The following TRIM49C variants were observed in gnomAD, a reference collection of about 807,000 sequenced individuals.
TRIM49C encodes the protein tripartite motif containing 49C, also known as tripartite motif-containing protein 49C.
TRIM49C carries 6 observed loss-of-function variants against 21.4 expected under a neutral mutation model. The observed-to-expected ratio is 0.28, with a 90% CI of 0.15 to 0.55. The LOEUF (loss-of-function observed/expected upper bound fraction) is 0.55, where lower values mean the gene tolerates loss of function less well. Ranked by LOEUF, TRIM49C falls within the 20% of genes least tolerant of loss-of-function variation. The pLI is 0.94. For missense variants in TRIM49C, 161 were observed against 442.4 expected (o/e 0.36, Z 5.71); for synonymous variants, 57 against 148.1 (o/e 0.38, Z 4.47).
At chr11:90,033,720 G>C (rs1950702816) in intron 2 of TRIM49C, among the ~76,000 whole-genome samples, 1 of 134,342 alleles carries the variant, frequency 7.4e-6, no homozygotes, top group African/African-American at 2.7e-5. Context: ...AAGGCAGGCA[G>C]ATCACTTGAG....
At chr11:90,031,449 ATC>A (rs1017341271) in intron 1 of TRIM49C, among the ~76,000 whole-genome samples, 4 of 136,942 alleles carry the variant, frequency 2.9e-5, no homozygotes, top group African/African-American at 7.8e-5. Flanking sequence ...CCCTTCTGAA[ATC>A]TCTTTTTTAA....
chr11:90,062,868 T>A, the TRIM49C span: 1 of 1,407,340 alleles, frequency 7.1e-7, no homozygotes, highest in Non-Finnish European at 9.4e-7. Flanking sequence ...TCTGCCTTCT[T>A]CTGAGCAGAG....
At chr11:90,071,824 T>G in the TRIM49C span, 2 of 821,708 alleles carry the variant, frequency 2.4e-6, no homozygotes, top group Non-Finnish European at 3.8e-6. Flanking sequence ...GGGATCAACA[T>G]GCAATGCCTT....
At chr11:90,045,094 G>A (rs1950792806), downstream of TRIM49C, among the ~76,000 whole-genome samples, 2 of 130,308 alleles carry the variant, frequency 1.5e-5, no homozygotes, top group South Asian at 2.8e-4. Context: ...GTAGATATGT[G>A]GCATTATTTC....
the TRIM49C span, chr11:90,062,979 G>C: frequency 7.5e-7 from 1 of 1,324,958 alleles, no homozygotes; most frequent in Non-Finnish European, 1.0e-6. Flanking sequence ...TGGAAGACTC[G>C]CAGGGCATCA....
chr11:90,048,488 C>T, the TRIM49C span, among the ~76,000 whole-genome samples: 1 of 121,488 alleles, frequency 8.2e-6, no homozygotes, highest in African/African-American at 3.4e-5. Flanking sequence ...TCTCTCTAAA[C>T]TTCTCTTCTC....
downstream of TRIM49C, among the ~76,000 whole-genome samples, chr11:90,046,994 C>T (rs1261832436): frequency 1.6e-5 from 2 of 124,416 alleles, no homozygotes; most frequent in Admixed American, 9.2e-5. Flanking sequence ...TTTCAAAGAA[C>T]ATCTTTATTT....
At chr11:90,065,627 C>G in the TRIM49C span, among the ~76,000 whole-genome samples, 1 of 140,778 alleles carries the variant, frequency 7.1e-6, no homozygotes, top group Non-Finnish European at 1.5e-5. Flanking sequence ...TGGAATGAGA[C>G]GCAAGAAAGT....
the TRIM49C span, chr11:90,057,826 A>C: frequency 7.9e-7 from 1 of 1,264,568 alleles, no homozygotes; most frequent in Non-Finnish European, 1.0e-6. Flanking sequence ...GAAATTAAAA[A>C]AAATCTTTCA....
chr11:90,070,975 T>C, the TRIM49C span, among the ~76,000 whole-genome samples: 2 of 140,214 alleles, frequency 1.4e-5, 1 homozygote, highest in Admixed American at 1.6e-4. Flanking sequence ...TTTGTATTTT[T>C]AGTAGGGATG....
the TRIM49C span, among the ~76,000 whole-genome samples, chr11:90,048,357 A>C: frequency 2.2e-3 from 268 of 122,096 alleles, 11 homozygotes; most frequent in African/African-American, 8.5e-3. Context: ...AATATCCTGC[A>C]GAGTGTTTTC....
At chr11:90,045,930 T>G (rs1273302034), downstream of TRIM49C, among the ~76,000 whole-genome samples, 26 of 120,092 alleles carry the variant, frequency 2.2e-4, 4 homozygotes, top group Non-Finnish European at 1.5e-4. Flanking sequence ...CATAAATAGC[T>G]CTTATTATTT....
At chr11:90,073,324 A>G in the TRIM49C span, 47 of 844,514 alleles carry the variant, frequency 5.6e-5, 7 homozygotes, top group Non-Finnish European at 8.0e-5. Flanking sequence ...ATTCCCTCAT[A>G]TGGAATTACC....
chr11:90,072,322 TTAGA>T, the TRIM49C span, among the ~76,000 whole-genome samples: 12 of 148,782 alleles, frequency 8.1e-5, no homozygotes, highest in African/African-American at 3.0e-4. Context: ...TGATGAGGCC[TTAGA>T]TAGAACTCCA....
downstream of TRIM49C, among the ~76,000 whole-genome samples, chr11:90,046,501 G>T (rs1354665966): frequency 1.1e-4 from 14 of 123,926 alleles, 2 homozygotes; most frequent in Non-Finnish European, 1.2e-4. Flanking sequence ...TCCTGGTTTA[G>T]TCTTGGGAGA....
rs1326768379 is a variant in TRIM49C at position 90,035,045 on chromosome 11, C to T, written c.-4-163C>T. Among the ~76,000 whole-genome samples the T allele has an allele frequency of 3.6e-5, 5 of 137,168 alleles. 1 individual carries two copies. Among genetic ancestry groups the T allele is most frequent in the African/African-American group, 1.4e-4 (5 of 35,770 alleles). The allele number at this position is 137,168 out of a possible 152,430, so 90.0% of individuals were successfully genotyped here. On this transcript the variant is annotated intron_variant, in intron 2 of 7. Coordinates refer to ENST00000448984, the MANE Select transcript of TRIM49C (RefSeq NM_001195234.1). ...ATATCTGTTATAAAGCCAGGAGACT[C>T]CCTCTAAGTGTAAATTTTTAAGTTT...
At chr11:90,039,435 T>A (rs1233543854) in intron 6 of TRIM49C, among the ~76,000 whole-genome samples, 1 of 129,008 alleles carries the variant, frequency 7.8e-6, no homozygotes, top group Non-Finnish European at 1.6e-5. Context: ...TAGAACTGTA[T>A]AAGTCTCTAG....
the TRIM49C span, chr11:90,062,840 A>G: frequency 7.2e-7 from 1 of 1,390,068 alleles, no homozygotes. Context: ...TTCTGCATGA[A>G]GGGCAGCGCA....
At chr11:90,054,045 AATT>A in the TRIM49C span, among the ~76,000 whole-genome samples, 2 of 137,596 alleles carry the variant, frequency 1.5e-5, no homozygotes, top group South Asian at 4.8e-4. Context: ...TTATATCTTC[AATT>A]ATTATGGAAG....
Sources: allele counts gnomAD v4.1 joint callset (sites outside exome capture counted in the v4.1 genomes callset), GRCh38; gene constraint gnomAD v4.1.1; transcripts MANE v1.5; gene names NCBI Gene and HGNC (gene_info 2026-07-23, HGNC 2026-07-21).